WDPCP: variants seen among roughly 807,000 people sequenced by gnomAD.
The protein encoded by WDPCP is WD repeat containing planar cell polarity effector.
Under a neutral mutation model 93.1 loss-of-function variants are expected in WDPCP, and 71 were observed. The ratio of observed to expected loss-of-function variants is 0.76; its 90% confidence interval spans 0.63 to 0.93. WDPCP has a LOEUF of 0.93. Ranked by LOEUF, WDPCP falls within the 40% of genes least tolerant of loss-of-function variation. The probability of loss-of-function intolerance (pLI) is 0.00; values close to 1 mark genes in which losing one functional copy is unlikely to be tolerated. For synonymous variants in WDPCP, 315 were observed against 315.0 expected, an observed-to-expected ratio of 1.00 and a Z score of 0.00; for missense variants, 844 against 887.4, an observed-to-expected ratio of 0.95 and a Z score of 0.62.
intron 2 of WDPCP, among the ~76,000 whole-genome samples, chr2:63,742,572 C>G (rs1040149930): frequency 6.6e-6 from 1 of 151,336 alleles, no homozygotes; most frequent in African/African-American, 2.4e-5. Flanking sequence ...CTTGTTCAAT[C>G]TATTTTATGC....
At chr2:63,222,683 G>A (rs1240199885) in intron 14 of WDPCP, among the ~76,000 whole-genome samples, 8 of 152,200 alleles carry the variant, frequency 5.3e-5, no homozygotes. Context: ...ACACATAGCT[G>A]TATCAGCTGC....
chr2:63,285,040 A>T (rs1370265780), intron 13 of WDPCP, among the ~76,000 whole-genome samples: 1 of 152,248 alleles, frequency 6.6e-6, no homozygotes, highest in Non-Finnish European at 1.5e-5. Context: ...CAAAAAAGGT[A>T]AAAAGAAGAA....
At chr2:63,826,825 T>G (rs1671120658) in intron 1 of WDPCP, among the ~76,000 whole-genome samples, 1 of 152,174 alleles carries the variant, frequency 6.6e-6, no homozygotes, top group African/African-American at 2.4e-5. Context: ...AAATATATCA[T>G]TTTTCTAACT....
At chr2:63,164,080 G>T (rs1215832683) in intron 15 of WDPCP, among the ~76,000 whole-genome samples, 1 of 152,114 alleles carries the variant, frequency 6.6e-6, no homozygotes, top group Non-Finnish European at 1.5e-5. Context: ...CAAATACAAG[G>T]TTTATTTGTT....
chr2:63,707,247 G>A (rs148711001), intron 2 of WDPCP, among the ~76,000 whole-genome samples: 2,556 of 152,204 alleles, frequency 0.017, 22 homozygotes, highest in African/African-American at 0.018. Flanking sequence ...CATTCTCCCC[G>A]TTACTTTCAG....
chr2:63,707,106 T>TG (rs1332528752), intron 2 of WDPCP, among the ~76,000 whole-genome samples: 1 of 152,196 alleles, frequency 6.6e-6, no homozygotes, highest in Admixed American at 6.5e-5. Flanking sequence ...TTATGTGTCT[T>TG]GGAGTTGCTC....
chr2:63,200,206 A>G (rs1675795520), intron 14 of WDPCP, among the ~76,000 whole-genome samples: 1 of 151,794 alleles, frequency 6.6e-6, no homozygotes, highest in African/African-American at 2.4e-5. Flanking sequence ...GTCTTTTTTA[A>G]GATGAGAAAA....
intron 14 of WDPCP, among the ~76,000 whole-genome samples, chr2:63,216,852 T>G (rs1257005858): frequency 1.3e-5 from 2 of 152,216 alleles, no homozygotes; most frequent in Non-Finnish European, 2.9e-5. Flanking sequence ...AAAACTGATG[T>G]TTTCTACTAA....
chr2:63,400,477 A>C (rs1022121944), intron 10 of WDPCP, among the ~76,000 whole-genome samples: 1 of 152,172 alleles, frequency 6.6e-6, no homozygotes, highest in African/African-American at 2.4e-5. Flanking sequence ...TGTAAACTGT[A>C]TATCTGACAA....
intron 14 of WDPCP, among the ~76,000 whole-genome samples, chr2:63,205,097 A>G (rs1016569332): frequency 6.6e-6 from 1 of 152,080 alleles, no homozygotes; most frequent in South Asian, 2.1e-4. Flanking sequence ...TATTGAAGAG[A>G]TTGTCTTTCC....
chr2:63,494,646 C>T (rs991746711), intron 1 of WDPCP, among the ~76,000 whole-genome samples: 2 of 151,370 alleles, frequency 1.3e-5, no homozygotes, highest in East Asian at 3.9e-4. Context: ...CCCGGCCAGG[C>T]GCGGTGGCTC....
intron 2 of WDPCP, among the ~76,000 whole-genome samples, chr2:63,741,487 T>C (rs1669712534): frequency 6.6e-6 from 1 of 152,142 alleles, no homozygotes; most frequent in Non-Finnish European, 1.5e-5. Context: ...TATTTCACTA[T>C]GCTTAATGTT....
At chr2:63,496,708 A>G (rs1313459557) in intron 1 of WDPCP, among the ~76,000 whole-genome samples, 1 of 152,146 alleles carries the variant, frequency 6.6e-6, no homozygotes, top group African/African-American at 2.4e-5. Context: ...TACAAACAAC[A>G]CTGCTCTAGT....
At chr2:63,647,525 A>G (rs1710066148) in intron 3 of WDPCP, among the ~76,000 whole-genome samples, 1 of 152,156 alleles carries the variant, frequency 6.6e-6, no homozygotes, top group Admixed American at 6.5e-5. Context: ...CCAATCCCCA[A>G]AGGTTATATA....
At chr2:63,615,863 T>C (rs1251030263) in intron 3 of WDPCP, among the ~76,000 whole-genome samples, 1 of 152,222 alleles carries the variant, frequency 6.6e-6, no homozygotes, top group Non-Finnish European at 1.5e-5. Flanking sequence ...TTTGTGGCCC[T>C]GAGAATAAGC....
At chr2:63,669,861 T>C (rs1710324486) in intron 2 of WDPCP, among the ~76,000 whole-genome samples, 1 of 152,122 alleles carries the variant, frequency 6.6e-6, no homozygotes, top group South Asian at 2.1e-4. Context: ...GTGCACAGCT[T>C]GCAGGACAGT....
intron 13 of WDPCP, among the ~76,000 whole-genome samples, chr2:63,309,772 A>G (rs1478046070): frequency 6.6e-6 from 1 of 152,198 alleles, no homozygotes; most frequent in Non-Finnish European, 1.5e-5. Flanking sequence ...GGATGAAGTT[A>G]CAAATCAATA....
At chr2:63,393,440 C>T (rs2105050246) in intron 10 of WDPCP, among the ~76,000 whole-genome samples, 1 of 151,852 alleles carries the variant, frequency 6.6e-6, no homozygotes, top group Admixed American at 6.6e-5. Context: ...ATGTAAATGA[C>T]TAGTTGATCA....
intron 2 of WDPCP, chr2:63,751,990 T>C (rs2103885591): frequency 1.6e-6 from 1 of 630,710 alleles, no homozygotes; most frequent in East Asian, 3.2e-5. Context: ...ACAATCAAAG[T>C]TGTCATTTCC....
Sources: allele counts gnomAD v4.1 joint callset (sites outside exome capture counted in the v4.1 genomes callset), GRCh38; gene constraint gnomAD v4.1.1; transcripts MANE v1.5; gene names NCBI Gene and HGNC (gene_info 2026-07-23, HGNC 2026-07-21).